Variants in TRAPPC6A observed in about 807,000 individuals in gnomAD.
The protein encoded by TRAPPC6A is TRAPP complex subunit 6A.
A neutral mutation model predicts 20.8 loss-of-function variants in TRAPPC6A; 25 were observed. The ratio of observed to expected loss-of-function variants is 1.20; its 90% CI spans 0.88 to 1.68. TRAPPC6A has a LOEUF of 1.68. Ranked by LOEUF, TRAPPC6A falls within the 40% of genes most tolerant of loss-of-function variation. The pLI is 0.00. For missense variants in TRAPPC6A, 215 were observed against 211.6 expected, an observed-to-expected ratio of 1.02 and a Z score of -0.10; for synonymous variants, 96 against 93.3, an observed-to-expected ratio of 1.03 and a Z score of -0.16.
Position 45,163,870 on chromosome 19 carries a change from A to T in TRAPPC6A, c.448+46T>A. ...GTGGGGCTGGAACTCTGAAGCCCCC[A>T]GCAACTCAAGGGATGAGAAGAATCC... On this transcript the variant is annotated intron_variant, in intron 5 of 5. Transcript: ENST00000585934. The surrounding 1 kb of genome is among the most constrained non-coding windows in gnomAD (Gnocchi z 5.3). 1 of 1,458,036 alleles carries T rather than the reference A, an allele frequency of 6.9e-7. No homozygotes were observed. Among genetic ancestry groups the T allele is most frequent in the Non-Finnish European group, 9.4e-7 (1 of 1,063,052 alleles). The allele number at this position is 1,458,036 out of a possible 1,614,324, so 90.3% of individuals were successfully genotyped here.
At chr19:45,167,404 A>C (rs957703593) in intron 1 of TRAPPC6A, among the ~76,000 whole-genome samples, 4 of 152,242 alleles carry the variant, frequency 2.6e-5, no homozygotes, top group Non-Finnish European at 1.5e-5. Flanking sequence ...AAAACACTTG[A>C]AATATTAAAC....
chr19:45,164,309 G>T, intron 3 of TRAPPC6A, 62 bp from the exon 4 acceptor site: 1 of 1,136,664 alleles, frequency 8.8e-7, no homozygotes, highest in Non-Finnish European at 1.3e-6. Context: ...CGCAGGGAGG[G>T]TAAGCAGGAA....
intron 1 of TRAPPC6A, among the ~76,000 whole-genome samples, chr19:45,170,964 T>C (rs900743594): frequency 2.6e-5 from 4 of 152,214 alleles, no homozygotes; most frequent in Admixed American, 1.3e-4. Context: ...TCCATGCCCA[T>C]GTCACTGCAA....
intron 1 of TRAPPC6A, among the ~76,000 whole-genome samples, chr19:45,175,250 G>T (rs1347771046): frequency 7.5e-6 from 1 of 133,962 alleles, no homozygotes; most frequent in Non-Finnish European, 1.6e-5. Flanking sequence ...GACAGACCGA[G>T]ACTCTGTCTC....
intron 1 of TRAPPC6A, among the ~76,000 whole-genome samples, chr19:45,165,848 C>T (rs920555198): frequency 1.3e-5 from 2 of 151,968 alleles, no homozygotes; most frequent in African/African-American, 4.8e-5. Flanking sequence ...GAGGGCTGCA[C>T]TCGGTGTCTG....
intron 1 of TRAPPC6A, among the ~76,000 whole-genome samples, chr19:45,165,614 C>T (rs945641720): frequency 5.4e-4 from 83 of 152,348 alleles, no homozygotes; most frequent in African/African-American, 1.7e-3. Flanking sequence ...GTGACCTGCC[C>T]AAGGGCTGGA....
intron 1 of TRAPPC6A, among the ~76,000 whole-genome samples, chr19:45,175,904 G>A (rs2039211050): frequency 6.6e-6 from 1 of 152,160 alleles, no homozygotes; most frequent in African/African-American, 2.4e-5. Flanking sequence ...GTTACACAAT[G>A]TACCAGACAC....
Position 45,164,503 on chromosome 19 carries a change from G to A in TRAPPC6A, c.271-256C>T, listed in dbSNP as rs150312505. 3.1e-3 allele frequency among the ~76,000 whole-genome samples: 470 copies of A among 152,232 alleles called. 2 individuals are homozygous for A. The highest frequency in any genetic ancestry group is 0.011 in the African/African-American group (439 of 41,520). ...GGTTGTGCAGAAAAGCTGGGGACCC[G>A]GCCCAGGAAGATGCAGAAGGGCAGG... is the stretch of plus-strand genomic sequence containing the variant. On this transcript the variant is annotated intron_variant, in intron 3 of 5. Coordinates refer to ENST00000585934, the MANE Select transcript of TRAPPC6A (RefSeq NM_001270891.2).
At position 45,173,416 on chromosome 19, in the gene TRAPPC6A, C is replaced by T. The variant is rs1372574445; in HGVS notation, c.84+4719G>A. On this transcript the variant is annotated intron_variant, in intron 1 of 5. Transcript: ENST00000585934. The surrounding 1 kb of genome is among the most constrained non-coding windows in gnomAD (Gnocchi z 4.8). ...GTGGGGACAGAGATGAAGGAGCCAC[C>T]ATCCCTGTCCTCAAGGAGCTCTGAA... 6.6e-6 allele frequency among the ~76,000 whole-genome samples: 1 copy of T among 152,124 alleles called. No homozygotes were observed. Among genetic ancestry groups the T allele is most frequent in the Non-Finnish European group, 1.5e-5 (1 of 68,024 alleles).
chr19:45,173,353 GC>G lies in TRAPPC6A; in HGVS notation c.84+4781del, dbSNP rs777664527. Among the ~76,000 whole-genome samples, 19 of 152,034 alleles carry G rather than the reference GC, an allele frequency of 1.2e-4. No homozygotes were observed. Among genetic ancestry groups the G allele is most frequent in the Non-Finnish European group, 2.6e-4 (18 of 67,972 alleles). ...CCAGGCAGGATAGGAGGTCACAAAA[GC>G]CCTACACACTGGCTGTGGCTCCTGG... On this transcript the variant is annotated intron_variant, in intron 1 of 5. Coordinates refer to ENST00000585934, the MANE Select transcript of TRAPPC6A (RefSeq NM_001270891.2). The surrounding 1 kb of genome is among the most constrained non-coding windows in gnomAD (Gnocchi z 4.8).
At chr19:45,165,243 C>T (rs373513302) in intron 1 of TRAPPC6A, 49 bp from the exon 2 acceptor site, 2 of 1,545,802 alleles carry the variant, frequency 1.3e-6, no homozygotes, top group African/African-American at 1.4e-5. Context: ...CACCACGAAC[C>T]CGGGGCCACC....
Position 45,163,804 on chromosome 19 carries a change from T to A in TRAPPC6A, c.448+112A>T, listed in dbSNP as rs1037161795. 11 of 930,734 alleles carry A rather than the reference T, an allele frequency of 1.2e-5. No individual in the cohort carries two copies. The highest frequency in any genetic ancestry group is 1.8e-5 in the Non-Finnish European group (11 of 608,046). 57.7% of individuals were successfully genotyped at this position (930,734 alleles called of 1,614,324 possible). ...TGCACCAGCCGTGTGGCTGAGCAGG[T>A]GACTTAAAACTGGGCCTGCCTCCCA... On this transcript the variant is annotated intron_variant, in intron 5 of 5. Transcript: ENST00000585934. The surrounding 1 kb of genome is among the most constrained non-coding windows in gnomAD (Gnocchi z 5.3).
Position 45,163,235 on chromosome 19 carries a change from G to C in TRAPPC6A, c.449-12C>G, listed in dbSNP as rs183845353. ...CACCTGGAACTTACCTGGAAGAGAA[G>C]GCCTGGCTTAGGCTTGAGGATGGGA... On this transcript the variant is annotated splice_polypyrimidine_tract_variant and intron_variant, in intron 5 of 5. Coordinates refer to ENST00000585934, the MANE Select transcript of TRAPPC6A (RefSeq NM_001270891.2). This position sits in a 1 kb window ranked among gnomAD's most constrained non-coding sequence, Gnocchi z 5.3. 1 of 1,613,862 alleles carries C rather than the reference G, an allele frequency of 6.2e-7. No individual in the cohort carries two copies. The highest frequency in any genetic ancestry group is 8.5e-7 in the Non-Finnish European group (1 of 1,179,848).
At chr19:45,174,280 A>G (rs911537702) in intron 1 of TRAPPC6A, among the ~76,000 whole-genome samples, 2 of 152,116 alleles carry the variant, frequency 1.3e-5, no homozygotes, top group African/African-American at 4.8e-5. Flanking sequence ...GCACACAGGA[A>G]GCACTCATAT....
chr19:45,177,335 C>T (rs79268829), intron 1 of TRAPPC6A, among the ~76,000 whole-genome samples: 1 of 151,964 alleles, frequency 6.6e-6, no homozygotes, highest in African/African-American at 2.4e-5. Context: ...TGGCAAAACC[C>T]CATTATCTCT....
intron 1 of TRAPPC6A, among the ~76,000 whole-genome samples, chr19:45,175,371 G>A (rs1391975127): frequency 1.3e-5 from 2 of 151,052 alleles, no homozygotes; most frequent in Non-Finnish European, 2.9e-5. Context: ...AGCTTGCAGT[G>A]AGCCGAGATC....
At chr19:45,170,624 C>T (rs1448990373) in intron 1 of TRAPPC6A, among the ~76,000 whole-genome samples, 3 of 152,336 alleles carry the variant, frequency 2.0e-5, no homozygotes, top group Non-Finnish European at 2.9e-5. Context: ...ATCTCGGCCC[C>T]GCCACTCACT....
At chr19:45,177,422 C>T (rs1198571344) in intron 1 of TRAPPC6A, among the ~76,000 whole-genome samples, 1 of 152,104 alleles carries the variant, frequency 6.6e-6, no homozygotes, top group Non-Finnish European at 1.5e-5. Flanking sequence ...CTCACTGCAA[C>T]CTCCGCCTCC....
chr19:45,173,428 CAAG>C lies in TRAPPC6A; in HGVS notation c.84+4704_84+4706del. On this transcript the variant is annotated intron_variant, in intron 1 of 5. Coordinates refer to ENST00000585934, the MANE Select transcript of TRAPPC6A (RefSeq NM_001270891.2). The surrounding 1 kb of genome is among the most constrained non-coding windows in gnomAD (Gnocchi z 4.8). ...ATGAAGGAGCCACCATCCCTGTCCTCAAGGAGCTCTGAAGCTGGTGGGAAAGGC... is the reference window on the plus strand; with the variant it reads ...ATGAAGGAGCCACCATCCCTGTCCTCGAGCTCTGAAGCTGGTGGGAAAGGC... 6.6e-6 allele frequency among the ~76,000 whole-genome samples: 1 copy of C among 152,232 alleles called. No homozygotes were observed. The highest frequency in any genetic ancestry group is 1.9e-4 in the East Asian group (1 of 5,172).
Sources: gnomAD v4.1 joint callset for allele counts (sites outside exome capture counted in the v4.1 genomes callset) on GRCh38, gnomAD v4.1.1 for gene constraint, Gnocchi (gnomAD v3.1) non-coding constraint, MANE v1.5 for transcripts, NCBI Gene and HGNC (gene_info 2026-07-23, HGNC 2026-07-21) for gene names.